ATP8B1: variants seen among roughly 807,000 people sequenced by gnomAD.
ATP8B1 encodes phospholipid-transporting ATPase IC.
In ATP8B1, 80 loss-of-function variants were observed where a neutral mutation model predicts 149.9. The observed-to-expected ratio is 0.53, with a 90% CI of 0.45 to 0.64. The LOEUF is 0.64. Ranked by LOEUF, ATP8B1 falls within the 30% of genes least tolerant of loss-of-function variation. The pLI, the probability that ATP8B1 is intolerant of heterozygous loss-of-function variation, is 0.00. For missense variants in ATP8B1, 1,247 were observed against 1,552.6 expected (o/e 0.80, Z 3.31); for synonymous variants, 536 against 562.8 (o/e 0.95, Z 0.67).
chr18:57,652,519 T>C lies in ATP8B1; in HGVS notation c.3226A>G (p.Ile1076Val). ...PSDYQSFAVT[I>V]ASALVITVNF... ...ACTGTTATTACAAGAGCAGAGGCAA[T>C]GGTGACGGCAAAAGACTGGTAGTCG... The change falls in exon 25 of 28, where the codon ATT becomes GTT. Residue 1076 changes from isoleucine (I) to valine (V), a missense_variant. Physicochemically the swap from Ile to Val is conservative, Grantham distance 29 (BLOSUM62 3). Coordinates refer to ENST00000648908, the MANE Select transcript of ATP8B1 (RefSeq NM_001374385.1). The C allele has an allele frequency of 1.2e-6, 2 of 1,614,138 alleles. No individual in the cohort carries two copies. The highest frequency in any genetic ancestry group is 1.1e-5 in the South Asian group (1 of 91,076).
At chr18:57,761,839 G>A (rs1288236558) in intron 1 of ATP8B1, among the ~76,000 whole-genome samples, 2 of 149,976 alleles carry the variant, frequency 1.3e-5, no homozygotes, top group South Asian at 2.1e-4. Context: ...AGTCCAAGCT[G>A]CTCGGGAGGC....
chr18:57,718,199 T>A (rs768619181), intron 2 of ATP8B1, among the ~76,000 whole-genome samples: 2 of 143,036 alleles, frequency 1.4e-5, no homozygotes, highest in Non-Finnish European at 3.0e-5. Context: ...ACCACAGAAA[T>A]TCAAAGATCA....
intron 1 of ATP8B1, among the ~76,000 whole-genome samples, chr18:57,736,134 C>G (rs1568046737): frequency 6.6e-6 from 1 of 152,106 alleles, no homozygotes; most frequent in Non-Finnish European, 1.5e-5. Flanking sequence ...TCATCCATGT[C>G]CATGGAAAGA....
intron 3 of ATP8B1, among the ~76,000 whole-genome samples, chr18:57,705,161 G>C (rs1913328145): frequency 6.6e-6 from 1 of 152,140 alleles, no homozygotes. Context: ...ATGACTACTT[G>C]GAGTCTTATG....
At chr18:57,742,837 A>AC (rs2079930352) in intron 1 of ATP8B1, among the ~76,000 whole-genome samples, 1 of 151,932 alleles carries the variant, frequency 6.6e-6, no homozygotes, top group African/African-American at 2.4e-5. Flanking sequence ...AAAAAAAAAA[A>AC]AAACAAAACA....
chr18:57,697,742 C>T, intron 7 of ATP8B1, 53 bp downstream of exon 7: 5 of 1,612,794 alleles, frequency 3.1e-6, no homozygotes, highest in Non-Finnish European at 4.2e-6. Context: ...AAAAGCCGAG[C>T]ACAGGGGCTG....
chr18:57,749,908 G>T (rs913539181), intron 1 of ATP8B1, among the ~76,000 whole-genome samples: 5 of 152,182 alleles, frequency 3.3e-5, no homozygotes, highest in African/African-American at 7.2e-5. Context: ...GGAAAAAAAT[G>T]GAATTAGTGT....
At chr18:57,687,237 C>T (rs1568196218) in intron 13 of ATP8B1, among the ~76,000 whole-genome samples, 2 of 152,198 alleles carry the variant, frequency 1.3e-5, no homozygotes, top group African/African-American at 4.8e-5. Flanking sequence ...TAAACAGTAA[C>T]TCCCAATTCC....
chr18:57,686,579 C>T (rs567504307), intron 13 of ATP8B1, among the ~76,000 whole-genome samples: 2 of 152,226 alleles, frequency 1.3e-5, no homozygotes, highest in South Asian at 2.1e-4. Context: ...CACCACCACG[C>T]CCAGGTAATT....
At chr18:57,676,717 CAAAAAAAAAAAA>C (rs58101846) in intron 15 of ATP8B1, among the ~76,000 whole-genome samples, 2 of 92,206 alleles carry the variant, frequency 2.2e-5, no homozygotes, top group East Asian at 3.4e-4. Flanking sequence ...GACTCCATTT[CAAAAAAAAAAAA>C]AAAAAAAAAG....
At chr18:57,775,132 T>C (rs1301355326) in intron 1 of ATP8B1, among the ~76,000 whole-genome samples, 4 of 152,076 alleles carry the variant, frequency 2.6e-5, no homozygotes, top group African/African-American at 9.7e-5. Context: ...TTGGGCAACA[T>C]GGTGAAACCC....
Position 57,701,814 on chromosome 18 carries a change from G to A in ATP8B1, c.394-501C>T, listed in dbSNP as rs183442639. On this transcript the variant is annotated intron_variant, in intron 4 of 27. Coordinates refer to ENST00000648908, the MANE Select transcript of ATP8B1 (RefSeq NM_001374385.1). ...AGGCTCAAGCGATTCTCCTGCTTCA[G>A]CCTCCTGAGTAGCTGGGATTACAGG... 2.4e-3 allele frequency among the ~76,000 whole-genome samples: 360 copies of A among 151,794 alleles called. 1 individual carries two copies. The highest frequency in any genetic ancestry group is 4.5e-3 in the Non-Finnish European group (304 of 67,982).
chr18:57,755,718 C>T (rs1240703090), intron 1 of ATP8B1, among the ~76,000 whole-genome samples: 1 of 152,098 alleles, frequency 6.6e-6, no homozygotes. Context: ...GTTTAAAAAG[C>T]GGTTAGAGGT....
chr18:57,799,405 G>A (rs1167325705), intron 1 of ATP8B1, among the ~76,000 whole-genome samples: 3 of 152,166 alleles, frequency 2.0e-5, no homozygotes, highest in African/African-American at 7.2e-5. Context: ...ATGATAAAAA[G>A]TTATCTGTTT....
intron 1 of ATP8B1, among the ~76,000 whole-genome samples, chr18:57,742,626 G>C (rs1015020876): frequency 6.6e-6 from 1 of 152,110 alleles, no homozygotes; most frequent in Admixed American, 6.6e-5. Flanking sequence ...GAGGCCAGGA[G>C]TTCAAGACGA....
chr18:57,677,453 C>T (rs1190163287), intron 15 of ATP8B1, among the ~76,000 whole-genome samples: 1 of 151,990 alleles, frequency 6.6e-6, no homozygotes, highest in African/African-American at 2.4e-5. Flanking sequence ...TTTAGTTTTC[C>T]AAAATACTTT....
At chr18:57,786,745 T>G (rs2080414123) in intron 1 of ATP8B1, among the ~76,000 whole-genome samples, 1 of 152,216 alleles carries the variant, frequency 6.6e-6, no homozygotes, top group Non-Finnish European at 1.5e-5. Flanking sequence ...CCTCCCAAAG[T>G]GCTGGGATTA....
intron 22 of ATP8B1, among the ~76,000 whole-genome samples, chr18:57,657,503 C>G (rs1202620184): frequency 6.6e-6 from 1 of 152,162 alleles, no homozygotes; most frequent in Non-Finnish European, 1.5e-5. Context: ...CTTCAAAAAT[C>G]CTGCCCTAGT....
chr18:57,662,617 T>C lies in ATP8B1; in HGVS notation c.2286-2A>G, dbSNP rs377132123. 11 of 1,614,042 alleles carry C rather than the reference T, an allele frequency of 6.8e-6. No homozygotes were observed. In the African/African-American group the frequency reaches 1.5e-4, roughly 22 times the overall value. On this transcript the variant is annotated splice_acceptor_variant, in intron 20 of 27. Coordinates refer to ENST00000648908, the MANE Select transcript of ATP8B1 (RefSeq NM_001374385.1). LOFTEE classifies it high-confidence loss of function. The stretch of plus-strand genomic sequence containing the variant: ...TCCATCCTTGCATGAAGAAGAGAAC[T>C]AGGGGAAACCAAATTTCAGTGTTTA...
Sources: gnomAD v4.1 joint callset for allele counts (sites outside exome capture counted in the v4.1 genomes callset) on GRCh38, gnomAD v4.1.1 for gene constraint, MANE v1.5 for transcripts, NCBI Gene and HGNC (gene_info 2026-07-23, HGNC 2026-07-21) for gene names.